SCARB1: variants seen among roughly 807,000 people sequenced by gnomAD.
The protein encoded by SCARB1 is CD36 and LIMPII analogous 1.
SCARB1 carries 30 observed loss-of-function variants against 57.2 expected under a neutral mutation model. That is an observed-to-expected ratio of 0.52 (90% CI 0.39 to 0.71). The LOEUF (loss-of-function observed/expected upper bound fraction) is 0.71. Among genes scored for constraint, SCARB1 ranks in the 30% least tolerant of loss-of-function variants. The probability of loss-of-function intolerance (pLI) is 0.00; values close to 1 mark genes in which losing one functional copy is unlikely to be tolerated. For synonymous variants in SCARB1, 249 were observed against 268.3 expected, an observed-to-expected ratio of 0.93 and a Z score of 0.70; for missense variants, 543 against 671.2, an observed-to-expected ratio of 0.81 and a Z score of 2.11.
intron 9 of SCARB1, among the ~76,000 whole-genome samples, chr12:124,791,315 C>T (rs746780809): frequency 1.9e-4 from 29 of 152,144 alleles, no homozygotes; most frequent in African/African-American, 6.5e-4. Context: ...CCCAGCAAAT[C>T]GTCGAGCCTG....
rs546347303 is a variant in SCARB1, at chr12:124,808,144, T to A, written c.843-217A>T. 3.3e-5 allele frequency among the ~76,000 whole-genome samples: 5 copies of A among 152,194 alleles called. No homozygotes were observed. In the South Asian group the frequency reaches 1.0e-3, roughly 32 times the overall value. On this transcript the variant is annotated intron_variant, in intron 6 of 12. Transcript: ENST00000261693. Reference sequence around the variant, plus strand: ...CCCACCCACATCAATGTATTAGCCGTGGCCAGATGGAGTTTTACAAAAGAA... The same window carrying A: ...CCCACCCACATCAATGTATTAGCCGAGGCCAGATGGAGTTTTACAAAAGAA...
At chr12:124,858,190 C>G (rs747819920) in intron 1 of SCARB1, among the ~76,000 whole-genome samples, 2 of 152,216 alleles carry the variant, frequency 1.3e-5, no homozygotes, top group Non-Finnish European at 2.9e-5. Context: ...CACACATACA[C>G]TAGCGAGGTC....
chr12:124,859,855 GT>G (rs374140221), intron 1 of SCARB1, among the ~76,000 whole-genome samples: 9 of 151,418 alleles, frequency 5.9e-5, no homozygotes, highest in African/African-American at 1.2e-4. Flanking sequence ...TGTTTGGTGG[GT>G]TTTTTTTAAA....
intron 9 of SCARB1, among the ~76,000 whole-genome samples, chr12:124,788,677 G>C: frequency 6.6e-6 from 1 of 152,190 alleles, no homozygotes; most frequent in East Asian, 1.9e-4. Context: ...TCCTCTAAAA[G>C]AAGATTTTTA....
At chr12:124,839,239 C>T (rs561562060) in intron 1 of SCARB1, 144 of 456,168 alleles carry the variant, frequency 3.2e-4, no homozygotes, top group South Asian at 6.7e-4. Flanking sequence ...GCCCCTGGCA[C>T]CCACCATTCT....
chr12:124,842,396 G>A (rs1951941778), intron 1 of SCARB1, among the ~76,000 whole-genome samples: 1 of 152,240 alleles, frequency 6.6e-6, no homozygotes, highest in Non-Finnish European at 1.5e-5. Context: ...ATCCGTCCCA[G>A]CTAAAGGGGT....
At chr12:124,786,186 C>T (rs917254342) in intron 11 of SCARB1, 171 bp downstream of exon 11, 22 of 1,586,988 alleles carry the variant, frequency 1.4e-5, no homozygotes, top group Admixed American at 8.6e-5. Flanking sequence ...AAGACGCAAG[C>T]GTGCTGCGCA....
At chr12:124,783,026 G>T in intron 11 of SCARB1, 1 of 545,550 alleles carries the variant, frequency 1.8e-6, no homozygotes, top group Non-Finnish European at 3.3e-6. Flanking sequence ...CTGGGAGGTG[G>T]ACAAGCCAAG....
chr12:124,817,489 G>T lies in SCARB1; in HGVS notation c.284+61C>A. 1 of 1,566,710 alleles carries T rather than the reference G, an allele frequency of 6.4e-7. No individual in the cohort carries two copies. Among genetic ancestry groups the T allele is most frequent in the South Asian group, 1.1e-5 (1 of 89,628 alleles). On this transcript the variant is annotated intron_variant, in intron 2 of 12. Coordinates refer to ENST00000261693, the MANE Select transcript of SCARB1 (RefSeq NM_005505.5). This position sits in a 1 kb window ranked among gnomAD's most constrained non-coding sequence, Gnocchi z 4.8. The stretch of plus-strand genomic sequence containing the variant: ...GCAGCCTCCCCATCCCGTCCACTCT[G>T]AGACCCCTCCCCTGCCCAGCCTCAG...
At chr12:124,782,109 A>G (rs903031776) in intron 12 of SCARB1, among the ~76,000 whole-genome samples, 14 of 152,074 alleles carry the variant, frequency 9.2e-5, no homozygotes, top group African/African-American at 3.1e-4. Context: ...GGTTTTCACC[A>G]TGTTGGCCAG....
At chr12:124,837,390 ATT>A (rs1237521714) in intron 1 of SCARB1, among the ~76,000 whole-genome samples, 1 of 151,662 alleles carries the variant, frequency 6.6e-6, no homozygotes, top group Non-Finnish European at 1.5e-5. Flanking sequence ...GCTAACAATC[ATT>A]TTGCATTTTC....
At chr12:124,832,413 G>A (rs528267507) in intron 1 of SCARB1, among the ~76,000 whole-genome samples, 112 of 152,198 alleles carry the variant, frequency 7.4e-4, no homozygotes, top group Non-Finnish European at 1.4e-3. Context: ...CCAGCTACTT[G>A]GGAGGCTGAG....
In SCARB1 at chr12:124,778,402, G is replaced by T; in HGVS notation, c.*185C>A. 8.0e-7 allele frequency: 1 copy of T among 1,252,154 alleles called. No homozygotes were observed. The highest frequency in any genetic ancestry group is 1.0e-6 in the Non-Finnish European group (1 of 993,420). 77.6% of individuals were successfully genotyped at this position (1,252,154 alleles called of 1,614,324 possible). A position where few individuals can be genotyped will look rare whatever the true frequency, so the allele number is the denominator to read the frequency against. On this transcript the variant is annotated 3_prime_UTR_variant, in exon 13 of 13. Coordinates refer to ENST00000261693, the MANE Select transcript of SCARB1 (RefSeq NM_005505.5). ...CCTGAGTGTCTGCACAAGCCTGCAC[G>T]CATGTGTGTATGTGTGCCAGGGCGT...
At chr12:124,828,319 C>A (rs1951245408) in intron 1 of SCARB1, among the ~76,000 whole-genome samples, 4 of 152,026 alleles carry the variant, frequency 2.6e-5, no homozygotes, top group Admixed American at 2.0e-4. Context: ...GCCCAGGTGC[C>A]ACCTCCTCCA....
chr12:124,857,683 G>C (rs1207187996), intron 1 of SCARB1, among the ~76,000 whole-genome samples: 1 of 152,198 alleles, frequency 6.6e-6, no homozygotes, highest in Admixed American at 6.5e-5. Flanking sequence ...AAAGCATGCA[G>C]GCAAAGATGA....
chr12:124,794,753 A>G (rs1166507764), intron 9 of SCARB1, among the ~76,000 whole-genome samples: 1 of 152,182 alleles, frequency 6.6e-6, no homozygotes, highest in African/African-American at 2.4e-5. Flanking sequence ...CAACATGGTG[A>G]AACCCCATCT....
At position 124,810,323 on chromosome 12, in the gene SCARB1, A is replaced by C. The variant is rs1276886780; in HGVS notation, c.727-34T>G. On this transcript the variant is annotated intron_variant, in intron 5 of 12. Coordinates refer to ENST00000261693, the MANE Select transcript of SCARB1 (RefSeq NM_005505.5). The surrounding 1 kb of genome is among the most constrained non-coding windows in gnomAD (Gnocchi z 4.0). ...AAGCATCCAGACTAGACCCCTCAGT[A>C]GGGCCAAGGCCCCTTAATAAGCCCT... The C allele has an allele frequency of 1.2e-5, 18 of 1,475,680 alleles. No individual in the cohort carries two copies. The highest frequency in any genetic ancestry group is 1.5e-5 in the Non-Finnish European group (16 of 1,054,116). 91.4% of individuals were successfully genotyped at this position (1,475,680 alleles called of 1,614,324 possible). A position where few individuals can be genotyped will look rare whatever the true frequency, so the allele number is the denominator to read the frequency against.
intron 1 of SCARB1, among the ~76,000 whole-genome samples, chr12:124,824,641 A>C (rs1163672957): frequency 6.6e-6 from 1 of 152,256 alleles, no homozygotes; most frequent in Non-Finnish European, 1.5e-5. Context: ...AACTACAGGC[A>C]AAGATGTTTG....
rs140201282 is a variant in SCARB1, at chr12:124,789,984, C to T, written c.1203-2527G>A. 8.8e-3 allele frequency among the ~76,000 whole-genome samples: 1,249 copies of T among 142,262 alleles called. 11 individuals carry two copies. The highest frequency in any genetic ancestry group is 0.037 in the South Asian group (175 of 4,672). 93.3% of individuals were successfully genotyped at this position (142,262 alleles called of 152,430 possible). On this transcript the variant is annotated intron_variant, in intron 9 of 12. Coordinates refer to ENST00000261693, the MANE Select transcript of SCARB1 (RefSeq NM_005505.5). The surrounding 1 kb of genome is among the most constrained non-coding windows in gnomAD (Gnocchi z 4.4). The stretch of plus-strand genomic sequence containing the variant: ...GGAGATCATGCCATTGCACTCCAGC[C>T]TGGCGACAGAGTGAGACTCCGTCTC...
Sources: allele counts gnomAD v4.1 joint callset (sites outside exome capture counted in the v4.1 genomes callset), GRCh38; gene constraint gnomAD v4.1.1; non-coding constraint Gnocchi (gnomAD v3.1); transcripts MANE v1.5; gene names NCBI Gene and HGNC (gene_info 2026-07-23, HGNC 2026-07-21).